BTG3: variants seen among roughly 807,000 people sequenced by gnomAD.
The protein encoded by BTG3 is protein BTG3.
In BTG3, 4 loss-of-function variants were observed where a neutral mutation model predicts 25.8. That is an observed-to-expected ratio of 0.16 (90% CI 0.08 to 0.36). The LOEUF (loss-of-function observed/expected upper bound fraction) is 0.36, where lower values mean the gene tolerates loss of function less well. Ranked by LOEUF, BTG3 falls within the 10% of genes least tolerant of loss-of-function variation. BTG3 has a pLI of 1.00. For synonymous variants in BTG3, 107 were observed against 99.9 expected (o/e 1.07, Z -0.42); for missense variants, 201 against 304.9 (o/e 0.66, Z 2.54).
chr21:17,611,855 T>A (rs1175668221), intron 1 of BTG3: 1 of 152,230 alleles, frequency 6.6e-6, no homozygotes, highest in African/African-American at 2.4e-5. Flanking sequence ...TTTCCCTCCC[T>A]TGTAACGAAA....
At chr21:17,598,930 A>C (rs559514766) in intron 3 of BTG3, 106 bp from the exon 4 acceptor site, 1 of 853,568 alleles carries the variant, frequency 1.2e-6, no homozygotes, top group African/African-American at 1.7e-5. Flanking sequence ...CAAGGCAAAG[A>C]TTGAATCATC....
Position 17,598,652 on chromosome 21 carries a change from T to C in BTG3, c.484A>G (p.Ser162Gly). The part of the protein sequence containing the change: ...ETSKEMEVKP[S>G]SVTAAASPVY... ...GGACTTGCGGCTGCAGTCACCGAAC[T>C]GGGTTTCACTTCCATTTCCTTACTT... is the stretch of plus-strand genomic sequence containing the variant. The change falls in exon 4 of 5, where the codon AGT (serine) becomes GGT (glycine). Residue 162 changes from serine (S) to glycine (G), a missense_variant. Physicochemically the swap from Ser to Gly is moderately conservative, Grantham distance 56. Transcript: ENST00000348354. 6.2e-7 allele frequency: 1 copy of C among 1,614,180 alleles called. No homozygotes were observed. Among genetic ancestry groups the C allele is most frequent in the Non-Finnish European group, 8.5e-7 (1 of 1,180,040 alleles).
intron 3 of BTG3, among the ~76,000 whole-genome samples, chr21:17,603,235 C>T (rs1370887837): frequency 6.6e-6 from 1 of 152,098 alleles, no homozygotes; most frequent in Non-Finnish European, 1.5e-5. Flanking sequence ...GTTCAGTGGC[C>T]AAAGTTTTCC....
chr21:17,612,566 C>A (rs1365112230), intron 1 of BTG3, 133 bp downstream of exon 1: 2 of 152,294 alleles, frequency 1.3e-5, no homozygotes, highest in East Asian at 3.9e-4. Context: ...TGGTTCCATC[C>A]CCTGCCCCTC....
In BTG3 at chr21:17,608,967, T is replaced by C; in HGVS notation, c.173+5A>G. The C allele has an allele frequency of 1.2e-6, 2 of 1,611,102 alleles. No homozygotes were observed. The highest frequency in any genetic ancestry group is 1.7e-6 in the Non-Finnish European group (2 of 1,179,170). ...GCCTCTGCTTAATCCAATCTAATCC[T>C]TTACCTGTAGGCCTGTCCTTTCGAT... On this transcript the variant is annotated splice_donor_5th_base_variant and intron_variant, in intron 2 of 4. Coordinates refer to ENST00000348354, the MANE Select transcript of BTG3 (RefSeq NM_006806.5).
chr21:17,603,348 G>A (rs1256368698), intron 3 of BTG3, among the ~76,000 whole-genome samples: 1 of 152,008 alleles, frequency 6.6e-6, no homozygotes, highest in Non-Finnish European at 1.5e-5. Flanking sequence ...TTTTCTACCC[G>A]AGAAAGAAGT....
At position 17,594,218 on chromosome 21, in the gene BTG3, C is replaced by A; in HGVS notation, c.634G>T (p.Gly212Cys). 6.2e-7 allele frequency: 1 copy of A among 1,613,284 alleles called. No homozygotes were observed. The highest frequency in any genetic ancestry group is 8.5e-7 in the Non-Finnish European group (1 of 1,179,432). The stretch of plus-strand genomic sequence containing the variant: ...TTTTTTCTTCCCTGATTTGGATAAC[C>A]AAATGGAACAGGAGGAGGATAGTGA... ...QNHYPPPVPF[G>C]YPNQGRKNKP... The change falls in exon 5 of 5, where the codon GGT (glycine) becomes TGT (cysteine). Residue 212 changes from glycine (G) to cysteine (C), a missense_variant. By Grantham distance (159) the Gly-to-Cys change is radical. Around this residue, in one of 2 missense-constraint regions of BTG3, gnomAD observed 131 missense variants for 129.3 expected, o/e 1.01. Coordinates refer to ENST00000348354, the MANE Select transcript of BTG3 (RefSeq NM_006806.5).
At chr21:17,597,617 G>C (rs918397319) in intron 4 of BTG3, among the ~76,000 whole-genome samples, 8 of 151,288 alleles carry the variant, frequency 5.3e-5, no homozygotes, top group Admixed American at 1.3e-4. Flanking sequence ...CATAAAGCCA[G>C]GTACATGTTA....
rs542193226 is a variant in BTG3, at chr21:17,612,722, G to A, written c.-32C>T. Reference sequence around the variant, plus strand: ...ACCGCCGCTGCCGCCGCCGCTCTTCGGCCGGAGATTCGGCGGCCCAGACCG... The same window carrying A: ...ACCGCCGCTGCCGCCGCCGCTCTTCAGCCGGAGATTCGGCGGCCCAGACCG... On this transcript the variant is annotated 5_prime_UTR_variant, in exon 1 of 5. Coordinates refer to ENST00000348354, the MANE Select transcript of BTG3 (RefSeq NM_006806.5). 1 of 153,248 alleles carries A rather than the reference G, an allele frequency of 6.5e-6. No individual in the cohort carries two copies. The highest frequency in any genetic ancestry group is 2.1e-4 in the South Asian group (1 of 4,862). The allele number at this position is 153,248 out of a possible 1,614,324, so 9.5% of individuals were successfully genotyped here.
chr21:17,594,063 A>C lies in BTG3; in HGVS notation c.*30T>G. 6.2e-7 allele frequency: 1 copy of C among 1,601,730 alleles called. No homozygotes were observed. The highest frequency in any genetic ancestry group is 1.1e-5 in the South Asian group (1 of 89,108). ...GTAAGGTTTATTCTACCTTTTTCTC[A>C]ACATGACACCAACACAATCAAAAAC... On this transcript the variant is annotated 3_prime_UTR_variant, in exon 5 of 5. Coordinates refer to ENST00000348354, the MANE Select transcript of BTG3 (RefSeq NM_006806.5).
intron 2 of BTG3, among the ~76,000 whole-genome samples, chr21:17,608,167 A>C (rs1361490352): frequency 6.6e-6 from 1 of 152,062 alleles, no homozygotes; most frequent in African/African-American, 2.4e-5. Context: ...GGAGTTTGAA[A>C]CTCACCTGGG....
At chr21:17,608,156 A>T (rs920291322) in intron 2 of BTG3, among the ~76,000 whole-genome samples, 5 of 152,192 alleles carry the variant, frequency 3.3e-5, no homozygotes, top group Admixed American at 3.3e-4. Context: ...GCGTGAGGCC[A>T]GGAGTTTGAA....
chr21:17,612,816 C>T lies in BTG3; in HGVS notation c.-126G>A, dbSNP rs1016287121. 1 of 152,196 alleles carries T rather than the reference C, an allele frequency of 6.6e-6. No individual in the cohort carries two copies. The highest frequency in any genetic ancestry group is 6.5e-5 in the Admixed American group (1 of 15,278). 9.4% of individuals were successfully genotyped at this position (152,196 alleles called of 1,614,324 possible). A position where few individuals can be genotyped will look rare whatever the true frequency, so the allele number is the denominator to read the frequency against. On this transcript the variant is annotated 5_prime_UTR_variant, in exon 1 of 5. Coordinates refer to ENST00000348354, the MANE Select transcript of BTG3 (RefSeq NM_006806.5). ...CTGGGCAACAGGGAGCGCAGCGAGC[C>T]TCGTCCGGCGCGTGCGGCTCCCGCG...
intron 1 of BTG3, among the ~76,000 whole-genome samples, chr21:17,611,488 T>C (rs796787516): frequency 3.9e-5 from 6 of 152,272 alleles, no homozygotes; most frequent in African/African-American, 1.2e-4. Flanking sequence ...TTTTCCCCGT[T>C]TGAAGAAATG....
intron 2 of BTG3, among the ~76,000 whole-genome samples, chr21:17,605,835 C>G (rs1276720897): frequency 1.3e-5 from 2 of 152,118 alleles, no homozygotes; most frequent in Non-Finnish European, 2.9e-5. Flanking sequence ...ATCAAGAGAA[C>G]TTGGATTTCA....
chr21:17,609,984 T>C (rs1158402373), intron 1 of BTG3, among the ~76,000 whole-genome samples: 1 of 152,240 alleles, frequency 6.6e-6, no homozygotes, highest in Non-Finnish European at 1.5e-5. Context: ...AATGGAATAT[T>C]ATTCAGCAGT....
In BTG3 at chr21:17,594,294, G is replaced by C; in HGVS notation, c.558C>G (p.His186Gln). The part of the protein sequence containing the change: ...ELIFPPLPMW[H>Q]PLPRKKPGMY... Reference sequence around the variant, plus strand: ...TTCCTGGCTTTTTTCTGGGCAAAGGGTGCCACATTGGAAGAGGTGGAAATA... The same window carrying C: ...TTCCTGGCTTTTTTCTGGGCAAAGGCTGCCACATTGGAAGAGGTGGAAATA... Residue 186 changes from histidine to glutamine, a missense_variant, in exon 5 of 5, where the codon CAC becomes CAG. By Grantham distance (24) the His-to-Gln change is conservative (BLOSUM62 0). Around this residue, in one of 2 missense-constraint regions of BTG3, gnomAD observed 131 missense variants for 129.3 expected, o/e 1.01. Coordinates refer to ENST00000348354, the MANE Select transcript of BTG3 (RefSeq NM_006806.5). 6.2e-7 allele frequency: 1 copy of C among 1,613,030 alleles called. No individual in the cohort carries two copies. The highest frequency in any genetic ancestry group is 8.5e-7 in the Non-Finnish European group (1 of 1,179,238).
Position 17,605,009 on chromosome 21 carries a change from T to C in BTG3, c.174-12A>G, listed in dbSNP as rs759127413. On this transcript the variant is annotated splice_polypyrimidine_tract_variant and intron_variant, in intron 2 of 4. Transcript: ENST00000348354. ...TGACACGAATACATCTACAACAAAG[T>C]GGAGTTACGTTAATGGATTTAAATG... 1.9e-6 allele frequency: 3 copies of C among 1,612,024 alleles called. No individual in the cohort carries two copies. Among genetic ancestry groups the C allele is most frequent in the Admixed American group, 3.4e-5 (2 of 59,580 alleles).
At chr21:17,601,898 A>G (rs1476712462) in intron 3 of BTG3, among the ~76,000 whole-genome samples, 1 of 152,190 alleles carries the variant, frequency 6.6e-6, no homozygotes, top group African/African-American at 2.4e-5. Flanking sequence ...TTTGACACCT[A>G]GTTTGGTTCT....
Sources: allele counts gnomAD v4.1 joint callset (sites outside exome capture counted in the v4.1 genomes callset), GRCh38; gene constraint gnomAD v4.1.1; regional missense constraint gnomAD v4.1.1; transcripts MANE v1.5; gene names NCBI Gene and HGNC (gene_info 2026-07-23, HGNC 2026-07-21).